Variants in PLXNC1 observed in about 807,000 individuals in gnomAD.
PLXNC1 encodes plexin C1.
PLXNC1 carries 75 observed loss-of-function variants against 178.2 expected under a neutral mutation model. The ratio of observed to expected loss-of-function variants is 0.42; its 90% CI spans 0.35 to 0.51. The LOEUF is 0.51. PLXNC1 is among the 20% of genes least tolerant of loss of function. The pLI is 0.02. For missense variants in PLXNC1, 1,503 were observed against 1,984.4 expected (o/e 0.76, Z 4.61); for synonymous variants, 790 against 779.9 (o/e 1.01, Z -0.22).
rs1185061387 is a variant in PLXNC1 at position 94,252,580 on chromosome 12, T to G, written c.2881+1052T>G. ...TATTTTGTTTTGCCGTGTAGCATTG[T>G]CTAAAACTATTAAGTAGCTTATAAC... On this transcript the variant is annotated intron_variant, in intron 15 of 30. Transcript: ENST00000258526. Among the ~76,000 whole-genome samples the G allele has an allele frequency of 1.3e-5, 2 of 152,244 alleles. 1 individual carries two copies. Among genetic ancestry groups the G allele is most frequent in the Non-Finnish European group, 2.9e-5 (2 of 68,040 alleles).
chr12:94,195,193 T>A (rs1592752884), intron 4 of PLXNC1, among the ~76,000 whole-genome samples: 1 of 152,224 alleles, frequency 6.6e-6, no homozygotes, highest in South Asian at 2.1e-4. Context: ...CATATTTGTG[T>A]TTTAAAAAGA....
rs1448792676 is a variant in PLXNC1 at position 94,303,898 on chromosome 12, T to TAA, written c.4527+3_4527+4insAA. On this transcript the variant is annotated splice_region_variant and intron_variant, in intron 29 of 30. Transcript: ENST00000258526. ...GAATTTTTAACTCAGGAATCTAAGGTATCATTAGAAAGCAGAAATAAGCTT... is the reference window on the plus strand; with the variant it reads ...GAATTTTTAACTCAGGAATCTAAGGTAAATCATTAGAAAGCAGAAATAAGCTT... The TAA allele has an allele frequency of 6.2e-7, 1 of 1,608,334 alleles. No homozygotes were observed. Among genetic ancestry groups the TAA allele is most frequent in the South Asian group, 1.1e-5 (1 of 90,182 alleles).
Position 94,281,674 on chromosome 12 carries a change from G to A in PLXNC1, c.3776-624G>A, listed in dbSNP as rs79504298. 2.4e-4 allele frequency among the ~76,000 whole-genome samples: 37 copies of A among 152,190 alleles called. No homozygotes were observed. The East Asian group carries it at 4.2e-3, about 17-fold the overall frequency. ...AGCCTCAAGTAATCCCCCTGCCTCCGCCTCCCAAAGTATTGGGATTATAGG... is the reference window on the plus strand; with the variant it reads ...AGCCTCAAGTAATCCCCCTGCCTCCACCTCCCAAAGTATTGGGATTATAGG... On this transcript the variant is annotated intron_variant, in intron 22 of 30. Transcript: ENST00000258526.
At chr12:94,245,630 C>A (rs1964509237) in intron 12 of PLXNC1, among the ~76,000 whole-genome samples, 2 of 152,178 alleles carry the variant, frequency 1.3e-5, no homozygotes, top group Admixed American at 1.3e-4. Context: ...TTTCTTTTCA[C>A]ATTAAAGAGA....
chr12:94,286,238 G>A (rs1029104466), intron 23 of PLXNC1, among the ~76,000 whole-genome samples: 4 of 152,174 alleles, frequency 2.6e-5, no homozygotes, highest in Non-Finnish European at 4.4e-5. Context: ...AAGGCTTAAA[G>A]GATTCTCCTT....
At position 94,149,643 on chromosome 12, in the gene PLXNC1, G is replaced by T; in HGVS notation, c.672G>T (p.Lys224Asn). The T allele has an allele frequency of 6.2e-7, 1 of 1,601,470 alleles. No homozygotes were observed. Among genetic ancestry groups the T allele is most frequent in the Non-Finnish European group, 8.5e-7 (1 of 1,174,442 alleles). Residue 224 changes from lysine to asparagine, a missense_variant, in exon 1 of 31, where the codon AAG becomes AAT. Around this residue, in one of 4 missense-constraint regions of PLXNC1, gnomAD observed 615 missense variants for 698.6 expected, o/e 0.88. Coordinates refer to ENST00000258526, the MANE Select transcript of PLXNC1 (RefSeq NM_005761.3). ...CCACGCAGGAGCTGGGGCGCCTCAAGCTGTGCGAGGGCGCGGGCAGCCTGC... is the reference window on the plus strand; with the variant it reads ...CCACGCAGGAGCTGGGGCGCCTCAATCTGTGCGAGGGCGCGGGCAGCCTGC... ...SLATQELGRL[K>N]LCEGAGSLHF...
intron 23 of PLXNC1, among the ~76,000 whole-genome samples, chr12:94,288,511 A>G (rs1966929270): frequency 6.6e-6 from 1 of 152,198 alleles, no homozygotes; most frequent in Non-Finnish European, 1.5e-5. Context: ...TAAACAAGAG[A>G]GAAGCAGGAG....
chr12:94,298,571 T>C (rs1968160637), intron 26 of PLXNC1, 61 bp from the exon 27 acceptor site: 2 of 1,336,026 alleles, frequency 1.5e-6, no homozygotes, highest in African/African-American at 1.5e-5. Context: ...TTTGCTATTA[T>C]GTTTTCAAAA....
intron 14 of PLXNC1, among the ~76,000 whole-genome samples, chr12:94,248,799 C>T (rs981548452): frequency 3.3e-5 from 5 of 152,170 alleles, no homozygotes; most frequent in Admixed American, 6.5e-5. Context: ...ACAAGGGCCT[C>T]TTCAGCACAC....
intron 1 of PLXNC1, among the ~76,000 whole-genome samples, chr12:94,158,888 C>T (rs1307446232): frequency 2.0e-5 from 3 of 152,176 alleles, no homozygotes; most frequent in Non-Finnish European, 2.9e-5. Context: ...ACACCCCATC[C>T]GGGCCTGTCC....
chr12:94,200,597 A>G (rs1442731142), intron 4 of PLXNC1, among the ~76,000 whole-genome samples: 1 of 147,026 alleles, frequency 6.8e-6, no homozygotes, highest in Non-Finnish European at 1.5e-5. Context: ...ACAGAGGCTA[A>G]GGAATGTGGC....
At chr12:94,162,296 C>A (rs1961413940) in intron 1 of PLXNC1, among the ~76,000 whole-genome samples, 1 of 151,906 alleles carries the variant, frequency 6.6e-6, no homozygotes, top group Non-Finnish European at 1.5e-5. Context: ...GTGCAAAGGC[C>A]CTGAGGCAGA....
At chr12:94,285,110 TATC>T (rs3858614) in intron 23 of PLXNC1, among the ~76,000 whole-genome samples, 41,235 of 151,838 alleles carry the variant, frequency 0.27, 5,608 homozygotes, top group South Asian at 0.3. Flanking sequence ...GGGTCAAAGA[TATC>T]AGTTGGGGAT....
At chr12:94,289,647 A>AG (rs1458050218) in intron 23 of PLXNC1, among the ~76,000 whole-genome samples, 1 of 152,206 alleles carries the variant, frequency 6.6e-6, no homozygotes, top group African/African-American at 2.4e-5. Flanking sequence ...TCTGCATTCC[A>AG]GGGCACTTTT....
In PLXNC1 at chr12:94,226,794, C is replaced by T. The variant is rs559243411; in HGVS notation, c.1893+87C>T. ...ATCCCAGCATTTTGGGAGGTCGAGGCGGGTGGATCAATTGAGGTCAGGAGT... is the reference window on the plus strand; with the variant it reads ...ATCCCAGCATTTTGGGAGGTCGAGGTGGGTGGATCAATTGAGGTCAGGAGT... On this transcript the variant is annotated intron_variant, in intron 8 of 30. Transcript: ENST00000258526. 4.1e-4 allele frequency: 391 copies of T among 942,246 alleles called. 4 individuals are homozygous for T. In the African/African-American group the frequency reaches 5.7e-3, roughly 14 times the overall value. The allele number at this position is 942,246 out of a possible 1,614,324, so 58.4% of individuals were successfully genotyped here.
rs142956906 is a variant in PLXNC1, at chr12:94,175,388, GA to G, written c.1204-6049del. On this transcript the variant is annotated intron_variant, in intron 2 of 30. Coordinates refer to ENST00000258526, the MANE Select transcript of PLXNC1 (RefSeq NM_005761.3). ...TTTTCCATCTCATGGTAATCGTAAA[GA>G]AAAAAAAATAGTTTTTTGTTTAATT... 4.0e-3 allele frequency among the ~76,000 whole-genome samples: 599 copies of G among 151,024 alleles called. 3 individuals carry two copies. The highest frequency in any genetic ancestry group is 6.5e-3 in the Non-Finnish European group (442 of 67,656).
chr12:94,289,850 T>TCACA (rs79760307), intron 23 of PLXNC1, among the ~76,000 whole-genome samples: 20 of 151,970 alleles, frequency 1.3e-4, no homozygotes, highest in African/African-American at 4.6e-4. Context: ...ACATACGCGC[T>TCACA]CACACACACA....
At chr12:94,195,772 G>A (rs1321015514) in intron 4 of PLXNC1, among the ~76,000 whole-genome samples, 2 of 152,288 alleles carry the variant, frequency 1.3e-5, no homozygotes, top group East Asian at 1.9e-4. Flanking sequence ...TTCTCGCTCG[G>A]TCTAACAGCA....
In PLXNC1 at chr12:94,297,358, A is replaced by G. The variant is rs1968040327; in HGVS notation, c.4009A>G (p.Arg1337Gly). 6.2e-7 allele frequency: 1 copy of G among 1,613,958 alleles called. No homozygotes were observed. Among genetic ancestry groups the G allele is most frequent in the African/African-American group, 1.3e-5 (1 of 74,908 alleles). ...SEAFQDVQGK[R>G]HRGKHKFKVK... The stretch of plus-strand genomic sequence containing the variant: ...AGCATTCCAAGATGTGCAAGGAAAG[A>G]GACATCGAGGGAAGCACAAGTTCAA... The change falls in exon 26 of 31, where the codon AGA (arginine) becomes GGA (glycine). Residue 1337 changes from arginine to glycine, a missense_variant. Coordinates refer to ENST00000258526, the MANE Select transcript of PLXNC1 (RefSeq NM_005761.3).
Sources: allele counts gnomAD v4.1 joint callset (sites outside exome capture counted in the v4.1 genomes callset), GRCh38; gene constraint gnomAD v4.1.1; regional missense constraint gnomAD v4.1.1; transcripts MANE v1.5; gene names NCBI Gene and HGNC (gene_info 2026-07-23, HGNC 2026-07-21).